STAG1: variants seen among roughly 807,000 people sequenced by gnomAD.
STAG1 encodes cohesin subunit SA-1.
STAG1 carries 26 observed loss-of-function variants against 170.9 expected under a neutral mutation model. The observed-to-expected ratio is 0.15, with a 90% CI of 0.11 to 0.21. STAG1 has a LOEUF of 0.21. STAG1 is among the 10% of genes least tolerant of loss of function. The pLI, the probability that STAG1 is intolerant of heterozygous loss-of-function variation, is 1.00. For synonymous variants in STAG1, 514 were observed against 497.7 expected (o/e 1.03, Z -0.44); for missense variants, 964 against 1,509.5 (o/e 0.64, Z 5.99).
intron 9 of STAG1, among the ~76,000 whole-genome samples, chr3:136,497,677 T>TA (rs111951588): frequency 1.8e-4 from 26 of 145,304 alleles, no homozygotes; most frequent in African/African-American, 3.8e-4. Flanking sequence ...TGTCTCTAGT[T>TA]AAAAAAAAAA....
intron 20 of STAG1, among the ~76,000 whole-genome samples, chr3:136,420,382 T>C (rs1242199914): frequency 6.6e-6 from 1 of 152,172 alleles, no homozygotes; most frequent in Non-Finnish European, 1.5e-5. Context: ...TTGTTTTAAT[T>C]GAGATAGGGT....
At chr3:136,618,187 G>C (rs34438032) in intron 3 of STAG1, among the ~76,000 whole-genome samples, 10 of 151,540 alleles carry the variant, frequency 6.6e-5, no homozygotes, top group African/African-American at 2.4e-4. Context: ...GACTCATTCC[G>C]ATCACCTGCT....
intron 4 of STAG1, among the ~76,000 whole-genome samples, chr3:136,580,069 G>A (rs1309291434): frequency 7.2e-6 from 1 of 138,384 alleles, no homozygotes; most frequent in Non-Finnish European, 1.5e-5. Context: ...CAAGGTTCAA[G>A]CAATCCTCCT....
intron 30 of STAG1, among the ~76,000 whole-genome samples, chr3:136,343,057 A>G (rs561219189): frequency 6.6e-6 from 1 of 152,336 alleles, no homozygotes; most frequent in South Asian, 2.1e-4. Context: ...TGATACTTCT[A>G]ACACTGTCTC....
At position 136,542,494 on chromosome 3, in the gene STAG1, T is replaced by TAA. The variant is rs374275824; in HGVS notation, c.395-301_395-300dup. On this transcript the variant is annotated intron_variant, in intron 5 of 33. Transcript: ENST00000383202. ...AGTTTAAATTACGTTAAATTGCTGA[T>TAA]AAAAGTATATAATTTGGTACAATCT... is the stretch of plus-strand genomic sequence containing the variant. Among the ~76,000 whole-genome samples, 1,112 of 152,184 alleles carry TAA rather than the reference T, an allele frequency of 7.3e-3. 14 individuals are homozygous for TAA. Among genetic ancestry groups the TAA allele is most frequent in the African/African-American group, 0.024 (1,000 of 41,528 alleles).
intron 5 of STAG1, among the ~76,000 whole-genome samples, chr3:136,553,841 C>T (rs962356286): frequency 1.3e-5 from 2 of 151,864 alleles, no homozygotes; most frequent in African/African-American, 4.8e-5. Flanking sequence ...ATTTAAAGAC[C>T]AGAAAGAAGA....
At chr3:136,517,971 A>G (rs1033109671) in intron 7 of STAG1, 5 of 156,056 alleles carry the variant, frequency 3.2e-5, no homozygotes, top group African/African-American at 4.8e-5. Flanking sequence ...TATTCTAAAA[A>G]GAGAGTTTAC....
intron 13 of STAG1, among the ~76,000 whole-genome samples, chr3:136,458,531 T>C (rs934457955): frequency 6.6e-6 from 1 of 152,014 alleles, no homozygotes; most frequent in Non-Finnish European, 1.5e-5. Context: ...CTATAATAGA[T>C]ACACCAGAAA....
chr3:136,598,971 T>C (rs1487160826), intron 4 of STAG1, among the ~76,000 whole-genome samples: 1 of 152,182 alleles, frequency 6.6e-6, no homozygotes, highest in African/African-American at 2.4e-5. Context: ...TCAAAGGAAA[T>C]TTGTCTGGAA....
intron 13 of STAG1, among the ~76,000 whole-genome samples, chr3:136,453,930 G>A (rs897884591): frequency 1.3e-5 from 2 of 151,758 alleles, no homozygotes; most frequent in African/African-American, 4.8e-5. Flanking sequence ...TTTTCTGGGG[G>A]GGCAGGTGAG....
intron 9 of STAG1, among the ~76,000 whole-genome samples, chr3:136,493,039 G>C (rs2090151410): frequency 6.6e-6 from 1 of 152,162 alleles, no homozygotes; most frequent in Non-Finnish European, 1.5e-5. Context: ...AATAATTTTA[G>C]TTTTCAACTT....
chr3:136,438,788 A>G (rs2088537996), intron 15 of STAG1, among the ~76,000 whole-genome samples: 1 of 152,130 alleles, frequency 6.6e-6, no homozygotes, highest in East Asian at 1.9e-4. Context: ...ATATTTTTAA[A>G]TTATTAATGA....
At chr3:136,614,098 C>A (rs1482188007) in intron 3 of STAG1, among the ~76,000 whole-genome samples, 2 of 152,116 alleles carry the variant, frequency 1.3e-5, no homozygotes, top group African/African-American at 4.8e-5. Flanking sequence ...CGCCTGTAGT[C>A]CTAGTTACTC....
chr3:136,431,275 A>C (rs1052556498), intron 16 of STAG1, among the ~76,000 whole-genome samples: 1 of 149,168 alleles, frequency 6.7e-6, no homozygotes, highest in African/African-American at 2.5e-5. Flanking sequence ...GGCTTGAAGG[A>C]CTTTTCTTTT....
At chr3:136,566,629 T>C (rs1937084296) in intron 5 of STAG1, among the ~76,000 whole-genome samples, 1 of 152,202 alleles carries the variant, frequency 6.6e-6, no homozygotes, top group Non-Finnish European at 1.5e-5. Context: ...TAATACACTT[T>C]GTTGAAAAGG....
intron 27 of STAG1, among the ~76,000 whole-genome samples, chr3:136,358,283 C>A (rs1220606597): frequency 6.6e-6 from 1 of 151,916 alleles, no homozygotes; most frequent in Non-Finnish European, 1.5e-5. Flanking sequence ...TGGGGTTTCG[C>A]CATATTGCCC....
intron 1 of STAG1, among the ~76,000 whole-genome samples, chr3:136,703,534 A>G (rs912515712): frequency 2.6e-5 from 4 of 152,310 alleles, no homozygotes; most frequent in African/African-American, 9.6e-5. Context: ...AGTAAACATA[A>G]AACACAGAAA....
At chr3:136,356,703 T>C (rs1936669663) in intron 28 of STAG1, among the ~76,000 whole-genome samples, 1 of 152,202 alleles carries the variant, frequency 6.6e-6, no homozygotes, top group South Asian at 2.1e-4. Context: ...CTTAACAGTT[T>C]ATAAAATTTA....
chr3:136,656,166 A>AT (rs1320725510), intron 1 of STAG1, among the ~76,000 whole-genome samples: 2 of 145,914 alleles, frequency 1.4e-5, no homozygotes, highest in Non-Finnish European at 3.0e-5. Context: ...CAAAAAAATA[A>AT]AAAAAAAAAA....
Sources: gnomAD v4.1 joint callset for allele counts (sites outside exome capture counted in the v4.1 genomes callset) on GRCh38, gnomAD v4.1.1 for gene constraint, MANE v1.5 for transcripts, NCBI Gene and HGNC (gene_info 2026-07-23, HGNC 2026-07-21) for gene names.